The following RTN4IP1 variants were observed in gnomAD, a reference collection of about 807,000 sequenced individuals.
RTN4IP1 encodes NAD(P)H oxidoreductase RTN4IP1, mitochondrial.
Under a neutral mutation model 46.6 loss-of-function variants are expected in RTN4IP1, and 32 were observed. The observed-to-expected ratio is 0.69, with a 90% CI of 0.52 to 0.92. The LOEUF (loss-of-function observed/expected upper bound fraction) is 0.92, where lower values mean the gene tolerates loss of function less well. Ranked by LOEUF, RTN4IP1 falls within the 40% of genes least tolerant of loss-of-function variation. RTN4IP1 has a pLI of 0.00. For missense variants in RTN4IP1, 424 were observed against 485.8 expected, an observed-to-expected ratio of 0.87 and a Z score of 1.20; for synonymous variants, 167 against 161.8, an observed-to-expected ratio of 1.03 and a Z score of -0.24.
chr6:106,601,640 TGCACTCA>T (rs1775952789), intron 5 of RTN4IP1, among the ~76,000 whole-genome samples: 2 of 152,168 alleles, frequency 1.3e-5, no homozygotes, highest in African/African-American at 4.8e-5. Flanking sequence ...GAGACAGAGT[TGCACTCA>T]TCACCCAGGC....
intron 7 of RTN4IP1, among the ~76,000 whole-genome samples, chr6:106,586,382 G>GT (rs898768421): frequency 0.02 from 2,968 of 147,820 alleles, 70 homozygotes; most frequent in African/African-American, 0.069. Flanking sequence ...AATAGAATTT[G>GT]TTTTTTTTTT....
intron 4 of RTN4IP1, among the ~76,000 whole-genome samples, chr6:106,613,542 C>T (rs527986875): frequency 1.3e-5 from 2 of 152,192 alleles, no homozygotes; most frequent in African/African-American, 4.8e-5. Context: ...CATTAAAATA[C>T]AACAGTATTT....
Position 106,571,820 on chromosome 6 carries a change from G to T in RTN4IP1, c.*176C>A. The T allele has an allele frequency of 9.4e-6, 5 of 530,658 alleles. No homozygotes were observed. The highest frequency in any genetic ancestry group is 3.2e-5 in the East Asian group (1 of 31,332). The allele number at this position is 530,658 out of a possible 1,614,324, so 32.9% of individuals were successfully genotyped here. A position where few individuals can be genotyped will look rare whatever the true frequency, so the allele number is the denominator to read the frequency against. ...CTACTGACTACAGACAAATCCAAGT[G>T]CTGATATTTTTATATCAATTACTGG... is the stretch of plus-strand genomic sequence containing the variant. On this transcript the variant is annotated 3_prime_UTR_variant, in exon 9 of 9. Transcript: ENST00000369063.
intron 7 of RTN4IP1, among the ~76,000 whole-genome samples, chr6:106,585,279 G>A (rs1189390647): frequency 6.6e-6 from 1 of 152,184 alleles, no homozygotes. Flanking sequence ...TTCAAGAGTA[G>A]CTTAGGCAAC....
intron 8 of RTN4IP1, among the ~76,000 whole-genome samples, chr6:106,577,687 T>A (rs1301114802): frequency 6.6e-6 from 1 of 152,090 alleles, no homozygotes; most frequent in Non-Finnish European, 1.5e-5. Flanking sequence ...AAGTTAAGGA[T>A]CCTGAGATGC....
At position 106,629,342 on chromosome 6, in the gene RTN4IP1, C is replaced by G. The variant is rs1776749766; in HGVS notation, c.-321G>C. The G allele has an allele frequency of 1.8e-6, 1 of 555,696 alleles. No individual in the cohort carries two copies. The highest frequency in any genetic ancestry group is 1.9e-5 in the African/African-American group (1 of 52,952). 34.4% of individuals were successfully genotyped at this position (555,696 alleles called of 1,614,324 possible). A position where few individuals can be genotyped will look rare whatever the true frequency, so the allele number is the denominator to read the frequency against. Reference sequence around the variant, plus strand: ...CATTAAAAAGCAGGTGCGCAAACCCCCTAGATCCCTGCCCTGTCCTGGGAG... The same window carrying G: ...CATTAAAAAGCAGGTGCGCAAACCCGCTAGATCCCTGCCCTGTCCTGGGAG... On this transcript the variant is annotated 5_prime_UTR_variant, in exon 1 of 9. Transcript: ENST00000369063.
intron 8 of RTN4IP1, among the ~76,000 whole-genome samples, chr6:106,582,610 T>C (rs181958120): frequency 6.4e-4 from 97 of 152,198 alleles, no homozygotes; most frequent in Non-Finnish European, 1.2e-3. Flanking sequence ...AATCTCTCAA[T>C]AACATAAAAA....
Position 106,614,622 on chromosome 6 carries a change from A to C in RTN4IP1, c.620+4580T>G, listed in dbSNP as rs1395513376. Among the ~76,000 whole-genome samples, 5 of 152,226 alleles carry C rather than the reference A, an allele frequency of 3.3e-5. No individual in the cohort carries two copies. In the East Asian group the frequency reaches 7.7e-4, roughly 23 times the overall value. ...TGACAAGAAATGGTCAACAACAAAA[A>C]AAGAAAACTTAAAAGTCTTAATGTC... On this transcript the variant is annotated intron_variant, in intron 4 of 8. Transcript: ENST00000369063.
rs376335557 is a variant in RTN4IP1 at position 106,580,540 on chromosome 6, G to A, written c.1083+2788C>T. On this transcript the variant is annotated intron_variant, in intron 8 of 8. Coordinates refer to ENST00000369063, the MANE Select transcript of RTN4IP1 (RefSeq NM_032730.5). Reference sequence around the variant, plus strand: ...TCAAGACCAGTACAGCCAACAGGGCGAAACCCCATCTCTACTAAAAATACA... The same window carrying A: ...TCAAGACCAGTACAGCCAACAGGGCAAAACCCCATCTCTACTAAAAATACA... 5.9e-4 allele frequency among the ~76,000 whole-genome samples: 89 copies of A among 152,050 alleles called. 1 individual carries two copies. The highest frequency in any genetic ancestry group is 1.9e-3 in the African/African-American group (77 of 41,500).
chr6:106,592,325 A>T, intron 5 of RTN4IP1, 25 bp from the exon 6 acceptor site: 1 of 1,605,710 alleles, frequency 6.2e-7, no homozygotes, highest in Non-Finnish European at 8.5e-7. Context: ...AAAGAAAAAA[A>T]GAATAAAAAA....
intron 6 of RTN4IP1, 100 bp from the exon 7 acceptor site, chr6:106,587,962 G>C: frequency 1.9e-6 from 2 of 1,067,944 alleles, no homozygotes; most frequent in Non-Finnish European, 2.6e-6. Context: ...GTTTATTTCA[G>C]TGACAAATCT....
chr6:106,590,714 C>CAAAAAAAAAAA (rs35293436), intron 6 of RTN4IP1, among the ~76,000 whole-genome samples: 6 of 68,522 alleles, frequency 8.8e-5, no homozygotes, highest in Admixed American at 2.0e-4. Flanking sequence ...GAATCCATCT[C>CAAAAAAAAAAA]AAAAAAAAAA....
At position 106,583,482 on chromosome 6, in the gene RTN4IP1, A is replaced by T. The variant is rs551146409; in HGVS notation, c.991-62T>A. 3 of 1,376,026 alleles carry T rather than the reference A, an allele frequency of 2.2e-6. No individual in the cohort carries two copies. The Admixed American group carries it at 5.7e-5, about 26-fold the overall frequency. The allele number at this position is 1,376,026 out of a possible 1,614,324, so 85.2% of individuals were successfully genotyped here. A position where few individuals can be genotyped will look rare whatever the true frequency, so the allele number is the denominator to read the frequency against. ...AAACATAAAATCTGACTAAATGCAGATTTAGGGAAAAGCATTTTCTGGATG... is the reference window on the plus strand; with the variant it reads ...AAACATAAAATCTGACTAAATGCAGTTTTAGGGAAAAGCATTTTCTGGATG... On this transcript the variant is annotated intron_variant, in intron 7 of 8. Coordinates refer to ENST00000369063, the MANE Select transcript of RTN4IP1 (RefSeq NM_032730.5).
At chr6:106,600,959 T>C (rs1775932225) in intron 5 of RTN4IP1, among the ~76,000 whole-genome samples, 1 of 152,154 alleles carries the variant, frequency 6.6e-6, no homozygotes, top group African/African-American at 2.4e-5. Context: ...AAGAATGGAA[T>C]TGCTGGGTCA....
At chr6:106,627,140 A>C (rs1776669458) in intron 1 of RTN4IP1, among the ~76,000 whole-genome samples, 1 of 7,058 alleles carries the variant, frequency 1.4e-4, no homozygotes, top group Non-Finnish European at 3.5e-4. Context: ...AAAAGGTAGG[A>C]GAAAAAAAAA....
chr6:106,629,413 A>T lies in RTN4IP1; in HGVS notation c.-392T>A. 1 of 579,696 alleles carries T rather than the reference A, an allele frequency of 1.7e-6. No homozygotes were observed. The allele number at this position is 579,696 out of a possible 1,614,324, so 35.9% of individuals were successfully genotyped here. On this transcript the variant is annotated 5_prime_UTR_variant, in exon 1 of 9. Coordinates refer to ENST00000369063, the MANE Select transcript of RTN4IP1 (RefSeq NM_032730.5). ...CACCGCTCGCGATCCAACGCCAGAG[A>T]ATCGAACGCTTGCCGACTGCCGCCG...
chr6:106,600,657 TA>T lies in RTN4IP1; in HGVS notation c.669+2216del, dbSNP rs566902008. On this transcript the variant is annotated intron_variant, in intron 5 of 8. Transcript: ENST00000369063. Reference sequence around the variant, plus strand: ...ATTTGCCTATTCTAAACATACGATATAAATGGAATCATACAATATGTAGGAC... The same window carrying T: ...ATTTGCCTATTCTAAACATACGATATAATGGAATCATACAATATGTAGGAC... Among the ~76,000 whole-genome samples the T allele has an allele frequency of 2.9e-3, 445 of 152,160 alleles. 5 individuals are homozygous for T. The highest frequency in any genetic ancestry group is 0.01 in the African/African-American group (433 of 41,504).
intron 8 of RTN4IP1, among the ~76,000 whole-genome samples, chr6:106,575,395 G>A (rs1024182246): frequency 1.3e-5 from 2 of 152,214 alleles, no homozygotes; most frequent in African/African-American, 4.8e-5. Context: ...CCCAAGATTT[G>A]GCACCCGCTG....
chr6:106,581,345 G>T (rs1775365854), intron 8 of RTN4IP1, among the ~76,000 whole-genome samples: 1 of 152,196 alleles, frequency 6.6e-6, no homozygotes, highest in African/African-American at 2.4e-5. Flanking sequence ...GAAGCGCTCA[G>T]CCAAAGCTTG....
Sources: gnomAD v4.1 joint callset for allele counts (sites outside exome capture counted in the v4.1 genomes callset) on GRCh38, gnomAD v4.1.1 for gene constraint, MANE v1.5 for transcripts, NCBI Gene and HGNC (gene_info 2026-07-23, HGNC 2026-07-21) for gene names.